RPAP2: variants seen among roughly 807,000 people sequenced by gnomAD.
RPAP2 encodes the protein RNA polymerase II associated protein 2, also known as putative RNA polymerase II subunit B1 CTD phosphatase RPAP2.
In RPAP2, 52 loss-of-function variants were observed where a neutral mutation model predicts 73.1. That is an observed-to-expected ratio of 0.71 (90% confidence interval 0.57 to 0.90). RPAP2 has a LOEUF of 0.90. RPAP2 is among the 40% of genes least tolerant of loss of function. The pLI is 0.00. For synonymous variants in RPAP2, 225 were observed against 242.1 expected (o/e 0.93, Z 0.65); for missense variants, 598 against 701.8 (o/e 0.85, Z 1.67).
intron 6 of RPAP2, among the ~76,000 whole-genome samples, chr1:92,318,044 A>G (rs1272078012): frequency 6.6e-6 from 1 of 151,946 alleles, no homozygotes; most frequent in Non-Finnish European, 1.5e-5. Context: ...TTGACCTCCT[A>G]TCTCTAGCCT....
At chr1:92,376,122 CACTT>C (rs769817551) in intron 11 of RPAP2, among the ~76,000 whole-genome samples, 18 of 151,684 alleles carry the variant, frequency 1.2e-4, no homozygotes, top group East Asian at 3.9e-4. Flanking sequence ...ATTTACATAA[CACTT>C]ACATAGTATT....
intron 8 of RPAP2, among the ~76,000 whole-genome samples, chr1:92,328,110 G>A (rs924609866): frequency 7.2e-5 from 11 of 152,024 alleles, no homozygotes; most frequent in African/African-American, 2.7e-4. Context: ...CTTGACTTTC[G>A]ATAACCTGAT....
intron 6 of RPAP2, 36 bp from the exon 7 acceptor site, chr1:92,320,563 C>T: frequency 4.4e-6 from 7 of 1,602,226 alleles, no homozygotes; most frequent in Non-Finnish European, 6.0e-6. Flanking sequence ...AGCCACCGCA[C>T]CCGGCCTAAT....
chr1:92,358,656 C>T (rs1210747967), intron 11 of RPAP2, among the ~76,000 whole-genome samples: 1 of 152,058 alleles, frequency 6.6e-6, no homozygotes, highest in East Asian at 1.9e-4. Context: ...GGCACAGTCG[C>T]AGCTCACTAA....
intron 5 of RPAP2, among the ~76,000 whole-genome samples, chr1:92,306,189 C>G (rs1418985680): frequency 1.3e-5 from 2 of 152,002 alleles, no homozygotes; most frequent in African/African-American, 4.8e-5. Context: ...TTAACAGAGA[C>G]AGAAAGTAGA....
At chr1:92,377,904 T>C (rs1180540938) in intron 11 of RPAP2, among the ~76,000 whole-genome samples, 1 of 152,236 alleles carries the variant, frequency 6.6e-6, no homozygotes, top group Non-Finnish European at 1.5e-5. Context: ...ATTCCTAAAA[T>C]AGTTTGTAAC....
intron 11 of RPAP2, among the ~76,000 whole-genome samples, chr1:92,364,608 A>G (rs1654861945): frequency 6.6e-6 from 1 of 152,102 alleles, no homozygotes; most frequent in Non-Finnish European, 1.5e-5. Context: ...TTTTGGTGGC[A>G]TTGGTATCCT....
At chr1:92,367,889 C>T (rs1444368594) in intron 11 of RPAP2, among the ~76,000 whole-genome samples, 3 of 152,190 alleles carry the variant, frequency 2.0e-5, no homozygotes, top group African/African-American at 4.8e-5. Context: ...AAATTATGAA[C>T]GCTCAGGAAA....
At chr1:92,320,560 G>T in intron 6 of RPAP2, 39 bp from the exon 7 acceptor site, 3 of 1,596,122 alleles carry the variant, frequency 1.9e-6, no homozygotes, top group Non-Finnish European at 2.6e-6. Context: ...ATGAGCCACC[G>T]CACCCGGCCT....
intron 11 of RPAP2, among the ~76,000 whole-genome samples, chr1:92,377,585 T>TG (rs907979946): frequency 2.7e-5 from 4 of 147,532 alleles, no homozygotes; most frequent in Non-Finnish European, 4.5e-5. Flanking sequence ...GTAGTTAGAC[T>TG]GGGGGGGAAC....
intron 11 of RPAP2, among the ~76,000 whole-genome samples, chr1:92,356,566 G>A (rs976361477): frequency 6.8e-6 from 1 of 146,580 alleles, no homozygotes; most frequent in Admixed American, 6.9e-5. Context: ...TTATAGGTGT[G>A]TGTCACCACT....
At chr1:92,341,768 C>A (rs1424296381) in intron 10 of RPAP2, among the ~76,000 whole-genome samples, 1 of 152,184 alleles carries the variant, frequency 6.6e-6, no homozygotes, top group Admixed American at 6.5e-5. Context: ...CCTCAGGCTC[C>A]CAAGTAGCTG....
At chr1:92,351,991 G>A (rs1654244358) in intron 11 of RPAP2, among the ~76,000 whole-genome samples, 2 of 152,164 alleles carry the variant, frequency 1.3e-5, no homozygotes, top group Admixed American at 6.5e-5. Flanking sequence ...GTTATCCAAT[G>A]AAGGAGATGA....
chr1:92,369,398 C>G (rs548719754), intron 11 of RPAP2, among the ~76,000 whole-genome samples: 1 of 152,120 alleles, frequency 6.6e-6, no homozygotes, highest in Non-Finnish European at 1.5e-5. Flanking sequence ...GTCAAGTTTA[C>G]AAGTTGTGGG....
In RPAP2 at chr1:92,332,641, G is replaced by A. The variant is rs141238883; in HGVS notation, c.1456-750G>A. Among the ~76,000 whole-genome samples, 110 of 152,212 alleles carry A rather than the reference G, an allele frequency of 7.2e-4. 1 individual carries two copies. The East Asian group carries it at 0.016, about 22-fold the overall frequency. On this transcript the variant is annotated intron_variant, in intron 8 of 12. Transcript: ENST00000610020. ...AGAGATTAAGATGATTTCAAGGTGG[G>A]ATTCACTCCCTGAAAGAACTAGTCT...
intron 11 of RPAP2, among the ~76,000 whole-genome samples, chr1:92,359,267 AGTAG>A (rs1315228977): frequency 2.6e-5 from 4 of 152,226 alleles, no homozygotes; most frequent in Admixed American, 1.3e-4. Context: ...CCTTCTGGGA[AGTAG>A]GTAGGAAGAA....
intron 11 of RPAP2, among the ~76,000 whole-genome samples, chr1:92,349,091 T>A (rs965464291): frequency 1.3e-5 from 2 of 152,246 alleles, no homozygotes; most frequent in Admixed American, 6.5e-5. Flanking sequence ...ATGTCTTTTT[T>A]AAAAATAATT....
At chr1:92,343,627 CA>C (rs1275848328) in intron 10 of RPAP2, among the ~76,000 whole-genome samples, 1 of 151,962 alleles carries the variant, frequency 6.6e-6, no homozygotes, top group Non-Finnish European at 1.5e-5. Flanking sequence ...TTAATTTATT[CA>C]AAAAGTATTA....
Position 92,301,503 on chromosome 1 carries a change from AAAG to A in RPAP2, c.152_154del (p.Lys51del). 1 of 1,594,160 alleles carries A rather than the reference AAAG, an allele frequency of 6.3e-7. No individual in the cohort carries two copies. The highest frequency in any genetic ancestry group is 2.3e-5 in the East Asian group (1 of 44,078). ...AAGCTGAACTAGAAGCAGCTGTGAG[AAAG>A]AAGATTGAATTTGAGAGAAAAGCTC... On this transcript the variant is annotated inframe_deletion, in exon 3 of 13. Transcript: ENST00000610020.
Sources: allele counts gnomAD v4.1 joint callset (sites outside exome capture counted in the v4.1 genomes callset), GRCh38; gene constraint gnomAD v4.1.1; transcripts MANE v1.5; gene names NCBI Gene and HGNC (gene_info 2026-07-23, HGNC 2026-07-21).